Variants in ARID1B observed in about 807,000 individuals in gnomAD.
The protein encoded by ARID1B is AT-rich interactive domain-containing protein 1B.
Under a neutral mutation model 212.3 loss-of-function variants are expected in ARID1B, and 30 were observed. The observed-to-expected ratio is 0.14, with a 90% CI of 0.11 to 0.19. ARID1B has a LOEUF of 0.19. ARID1B is among the 10% of genes least tolerant of loss of function. The probability of loss-of-function intolerance (pLI) is 1.00; values close to 1 mark genes in which losing one functional copy is unlikely to be tolerated. For synonymous variants in ARID1B, 1,402 were observed against 1,301.7 expected (o/e 1.08, Z -1.66); for missense variants, 2,891 against 3,204.0 (o/e 0.90, Z 2.36).
intron 4 of ARID1B, among the ~76,000 whole-genome samples, chr6:156,944,728 G>T (rs1387801691): frequency 6.6e-6 from 1 of 152,092 alleles, no homozygotes; most frequent in Non-Finnish European, 1.5e-5. Flanking sequence ...CAAACCTCAG[G>T]TTTACATTTG....
intron 2 of ARID1B, among the ~76,000 whole-genome samples, chr6:156,862,990 G>A (rs569588336): frequency 6.6e-6 from 1 of 152,348 alleles, no homozygotes; most frequent in East Asian, 1.9e-4. Context: ...CGGAATATGG[G>A]CCTGCGCCTT....
intron 7 of ARID1B, among the ~76,000 whole-genome samples, chr6:157,138,976 A>G (rs1178333358): frequency 6.6e-6 from 1 of 152,194 alleles, no homozygotes; most frequent in East Asian, 1.9e-4. Context: ...CTAGCCTTCA[A>G]GTTATAAGAC....
At chr6:157,186,461 G>C (rs760279365) in intron 13 of ARID1B, 12 of 471,022 alleles carry the variant, frequency 2.5e-5, no homozygotes, top group Admixed American at 2.3e-5. Flanking sequence ...GGCACACACA[G>C]GCGTCTGGGG....
chr6:156,894,299 T>TGGGGGCCGGGGGGGTGGGGG (rs1326684088), intron 2 of ARID1B, among the ~76,000 whole-genome samples: 1 of 7,512 alleles, frequency 1.3e-4, no homozygotes, highest in African/African-American at 5.3e-4. Context: ...GGGGTTGGGA[T>TGGGGGCCGGGGGGGTGGGGG]GGGGGCCGGG....
At chr6:157,003,243 T>C (rs957209336) in intron 4 of ARID1B, among the ~76,000 whole-genome samples, 1 of 152,190 alleles carries the variant, frequency 6.6e-6, no homozygotes, top group Non-Finnish European at 1.5e-5. Flanking sequence ...GGAGAATGGA[T>C]TGGAAGGGAC....
At chr6:157,156,830 G>C (rs1790606930) in intron 8 of ARID1B, among the ~76,000 whole-genome samples, 1 of 152,180 alleles carries the variant, frequency 6.6e-6, no homozygotes, top group African/African-American at 2.4e-5. Flanking sequence ...AGGTTTGGGA[G>C]GCATGCTCCG....
chr6:156,810,329 G>A (rs896944129), intron 1 of ARID1B, among the ~76,000 whole-genome samples: 2 of 152,072 alleles, frequency 1.3e-5, no homozygotes, highest in African/African-American at 4.8e-5. Flanking sequence ...AAGTGTAAAT[G>A]GTAACAGCTG....
chr6:157,196,061 A>G, intron 15 of ARID1B, 104 bp from the exon 16 acceptor site: 1 of 1,471,560 alleles, frequency 6.8e-7, no homozygotes, highest in Non-Finnish European at 9.3e-7. Flanking sequence ...TCCATCTCAA[A>G]AAAAAGAAAA....
intron 8 of ARID1B, among the ~76,000 whole-genome samples, chr6:157,154,879 C>A (rs1002883464): frequency 2.0e-5 from 3 of 152,092 alleles, no homozygotes; most frequent in Non-Finnish European, 2.9e-5. Context: ...CTGCGCCCGG[C>A]CTGTTGCTCT....
chr6:157,208,641 T>C lies in ARID1B; in HGVS notation c.*750T>C, dbSNP rs1562356270. 1 of 232,032 alleles carries C rather than the reference T, an allele frequency of 4.3e-6. No homozygotes were observed. The highest frequency in any genetic ancestry group is 6.1e-5 in the East Asian group (1 of 16,378). 14.4% of individuals were successfully genotyped at this position (232,032 alleles called of 1,614,324 possible). A position where few individuals can be genotyped will look rare whatever the true frequency, so the allele number is the denominator to read the frequency against. On this transcript the variant is annotated 3_prime_UTR_variant, in exon 20 of 20. Coordinates refer to ENST00000636930, the MANE Select transcript of ARID1B (RefSeq NM_001374828.1). ...ACAATTCCTTTCATCATTTTTTAAA[T>C]ATTTTTTTTACTGCCTATGGGCTGT...
chr6:156,972,720 C>A (rs560312787), intron 4 of ARID1B, among the ~76,000 whole-genome samples: 4 of 152,238 alleles, frequency 2.6e-5, no homozygotes, highest in South Asian at 4.2e-4. Context: ...TCTTTTCCAG[C>A]CAGAGAGACC....
At chr6:156,851,705 CTTTTTACTGGCACAGTTAAT>C (rs1196542710) in intron 2 of ARID1B, among the ~76,000 whole-genome samples, 2 of 152,222 alleles carry the variant, frequency 1.3e-5, no homozygotes, top group Non-Finnish European at 2.9e-5. Context: ...GTACAGTAAA[CTTTTTACTGGCACAGTTAAT>C]TTATTTGAAT....
At chr6:156,926,499 G>A (rs1340169261) in intron 3 of ARID1B, among the ~76,000 whole-genome samples, 1 of 152,150 alleles carries the variant, frequency 6.6e-6, no homozygotes, top group African/African-American at 2.4e-5. Context: ...CTAGGTTCAT[G>A]AAGTTGCCTT....
At chr6:157,162,945 A>G (rs1480192588) in intron 8 of ARID1B, among the ~76,000 whole-genome samples, 3 of 152,318 alleles carry the variant, frequency 2.0e-5, no homozygotes, top group South Asian at 2.1e-4. Flanking sequence ...TGTAACAGAC[A>G]TGAAGCCCGC....
At position 157,200,137 on chromosome 6, in the gene ARID1B, G is replaced by A. The variant is rs960118247; in HGVS notation, c.4480-568G>A. Among the ~76,000 whole-genome samples, 1 of 152,176 alleles carries A rather than the reference G, an allele frequency of 6.6e-6. No homozygotes were observed. The highest frequency in any genetic ancestry group is 2.4e-5 in the African/African-American group (1 of 41,430). ...AGGTGTGGTCCCAGCCCTGTCCTCAGTGCTGGGACCAGTGGGGCTTTGGGG... is the reference window on the plus strand; with the variant it reads ...AGGTGTGGTCCCAGCCCTGTCCTCAATGCTGGGACCAGTGGGGCTTTGGGG... On this transcript the variant is annotated intron_variant, in intron 17 of 19. Coordinates refer to ENST00000636930, the MANE Select transcript of ARID1B (RefSeq NM_001374828.1). The surrounding 1 kb of genome is among the most constrained non-coding windows in gnomAD (Gnocchi z 4.3).
chr6:156,856,273 ATGTGTG>A (rs1259791824), intron 2 of ARID1B, among the ~76,000 whole-genome samples: 1 of 152,186 alleles, frequency 6.6e-6, no homozygotes, highest in South Asian at 2.1e-4. Context: ...AGAACCATGT[ATGTGTG>A]TGTGTATGTG....
intron 1 of ARID1B, among the ~76,000 whole-genome samples, chr6:156,821,658 G>A (rs962480299): frequency 6.6e-6 from 1 of 152,188 alleles, no homozygotes; most frequent in African/African-American, 2.4e-5. Flanking sequence ...TTGTGATAAC[G>A]TGAGAATATA....
chr6:157,132,890 C>T (rs1788645326), intron 6 of ARID1B, 138 bp from the exon 7 acceptor site: 3 of 948,840 alleles, frequency 3.2e-6, no homozygotes, highest in South Asian at 2.0e-5. Context: ...ACTGAGATGT[C>T]TTTAGCTATT....
At chr6:157,152,344 T>C (rs549143243) in intron 8 of ARID1B, 4 of 152,204 alleles carry the variant, frequency 2.6e-5, no homozygotes, top group Non-Finnish European at 5.9e-5. Flanking sequence ...AAATCTGTAT[T>C]TCAGCCAGCA....
Sources: allele counts gnomAD v4.1 joint callset (sites outside exome capture counted in the v4.1 genomes callset), GRCh38; gene constraint gnomAD v4.1.1; non-coding constraint Gnocchi (gnomAD v3.1); transcripts MANE v1.5; gene names NCBI Gene and HGNC (gene_info 2026-07-23, HGNC 2026-07-21).